Variants in UNC13C observed in about 807,000 individuals in gnomAD.
UNC13C encodes the protein protein unc-13 homolog C.
In UNC13C, 174 loss-of-function variants were observed where a neutral mutation model predicts 245.4. The observed-to-expected ratio is 0.71, with a 90% confidence interval of 0.63 to 0.80. The LOEUF is 0.80. UNC13C is among the 30% of genes least tolerant of loss of function. UNC13C has a pLI of 0.00. For missense variants in UNC13C, 2,829 were observed against 2,602.9 expected (o/e 1.09, Z -1.89); for synonymous variants, 992 against 895.1 (o/e 1.11, Z -1.93).
chr15:54,573,290 T>A (rs16974843), intron 30 of UNC13C, among the ~76,000 whole-genome samples: 1 of 152,112 alleles, frequency 6.6e-6, no homozygotes, highest in Non-Finnish European at 1.5e-5. Flanking sequence ...CATCTTTCTG[T>A]AGTAGTTAGA....
At chr15:54,359,844 T>C (rs920444233) in intron 17 of UNC13C, among the ~76,000 whole-genome samples, 2 of 151,894 alleles carry the variant, frequency 1.3e-5, no homozygotes, top group African/African-American at 2.4e-5. Context: ...TTTTATTTAT[T>C]TTTGTTCTGT....
intron 13 of UNC13C, among the ~76,000 whole-genome samples, chr15:54,309,584 A>G (rs2037814947): frequency 6.6e-6 from 1 of 151,792 alleles, no homozygotes. Flanking sequence ...TGCACAGACC[A>G]ATGTCATGCA....
At chr15:54,068,349 G>A (rs962367759) in intron 2 of UNC13C, among the ~76,000 whole-genome samples, 2 of 152,166 alleles carry the variant, frequency 1.3e-5, no homozygotes, top group African/African-American at 4.8e-5. Flanking sequence ...GCTGCAGCTA[G>A]AACTTCCTTC....
chr15:54,057,687 C>T (rs1346080655), intron 2 of UNC13C, among the ~76,000 whole-genome samples: 1 of 152,152 alleles, frequency 6.6e-6, no homozygotes, highest in East Asian at 1.9e-4. Context: ...CACACCTATT[C>T]CAAAATTGAC....
At chr15:53,842,536 C>T in the UNC13C span, among the ~76,000 whole-genome samples, 1,023 of 152,166 alleles carry the variant, frequency 6.7e-3, 6 homozygotes, top group Non-Finnish European at 9.6e-3. Context: ...TAATTCAAGC[C>T]GGGCCACTGA....
chr15:53,965,838 T>C, the UNC13C span, among the ~76,000 whole-genome samples: 1 of 152,256 alleles, frequency 6.6e-6, no homozygotes, highest in East Asian at 1.9e-4. Flanking sequence ...GTTCTTGTGA[T>C]AGTTTACTGA....
intron 21 of UNC13C, 70 bp downstream of exon 21, chr15:54,500,245 G>A: frequency 1.8e-6 from 2 of 1,091,514 alleles, no homozygotes; most frequent in Non-Finnish European, 2.7e-6. Flanking sequence ...TAACCTAATG[G>A]GAATTATTAG....
At chr15:53,872,905 T>C in the UNC13C span, among the ~76,000 whole-genome samples, 1 of 152,314 alleles carries the variant, frequency 6.6e-6, no homozygotes, top group East Asian at 1.9e-4. Flanking sequence ...AAACTGAACT[T>C]ATTGAAATGA....
At chr15:53,936,459 A>T in the UNC13C span, among the ~76,000 whole-genome samples, 1 of 152,102 alleles carries the variant, frequency 6.6e-6, no homozygotes, top group Admixed American at 6.5e-5. Context: ...CTGGCTCTGG[A>T]GAGTCTGGGT....
Position 54,189,822 on chromosome 15 carries a change from C to T in UNC13C, c.3072-45208C>T, listed in dbSNP as rs190238025. The stretch of plus-strand genomic sequence containing the variant: ...GCCACAAACAGCTGCTTGATTGCGG[C>T]GGCATCTTGATTCTTTGATGCCACT... On this transcript the variant is annotated intron_variant, in intron 4 of 32. Transcript: ENST00000260323. Among the ~76,000 whole-genome samples, 560 of 151,990 alleles carry T rather than the reference C, an allele frequency of 3.7e-3. 4 individuals carry two copies. Among genetic ancestry groups the T allele is most frequent in the African/African-American group, 0.013 (536 of 41,454 alleles).
At chr15:53,898,124 T>C in the UNC13C span, among the ~76,000 whole-genome samples, 1 of 152,164 alleles carries the variant, frequency 6.6e-6, no homozygotes, top group Admixed American at 6.5e-5. Context: ...TCTACATTAC[T>C]TCCTCCTGCT....
intron 9 of UNC13C, among the ~76,000 whole-genome samples, 173 bp from the exon 10 acceptor site, chr15:54,265,182 G>A (rs2036521982): frequency 6.6e-6 from 1 of 151,854 alleles, no homozygotes. Context: ...TTTTAATGTT[G>A]TATATTTATT....
intron 2 of UNC13C, among the ~76,000 whole-genome samples, chr15:54,101,827 G>A (rs918551437): frequency 5.9e-5 from 9 of 151,632 alleles, no homozygotes; most frequent in Admixed American, 2.6e-4. Context: ...CTCATGATCC[G>A]CTCGCCTTGG....
intron 2 of UNC13C, among the ~76,000 whole-genome samples, chr15:54,093,355 T>G (rs535535302): frequency 6.6e-6 from 1 of 152,340 alleles, no homozygotes; most frequent in African/African-American, 2.4e-5. Flanking sequence ...TTGACTTAAG[T>G]AGGTATGGCT....
At chr15:54,499,995 C>G (rs1894127363) in intron 20 of UNC13C, 84 bp from the exon 21 acceptor site, 2 of 1,004,086 alleles carry the variant, frequency 2.0e-6, no homozygotes, top group African/African-American at 1.7e-5. Flanking sequence ...CTAAATTACT[C>G]TCATATGCAA....
chr15:54,256,947 A>C, intron 8 of UNC13C, among the ~76,000 whole-genome samples: 1 of 152,286 alleles, frequency 6.6e-6, no homozygotes, highest in South Asian at 2.1e-4. Context: ...ACCACGTCTA[A>C]GTTTGGCGCT....
chr15:53,876,204 GC>G, the UNC13C span, among the ~76,000 whole-genome samples: 1 of 152,180 alleles, frequency 6.6e-6, no homozygotes, highest in South Asian at 2.1e-4. Context: ...AGATATTTTG[GC>G]AGAATGTGGC....
intron 4 of UNC13C, among the ~76,000 whole-genome samples, chr15:54,197,523 A>G (rs1030469000): frequency 1.3e-5 from 2 of 152,168 alleles, no homozygotes; most frequent in African/African-American, 2.4e-5. Context: ...GGTTTAATAT[A>G]CAAAACTCAA....
the UNC13C span, among the ~76,000 whole-genome samples, chr15:53,877,252 C>A: frequency 6.6e-6 from 1 of 152,178 alleles, no homozygotes; most frequent in African/African-American, 2.4e-5. Context: ...TCCACAGGGG[C>A]TTGCAGCAGA....
Sources: allele counts gnomAD v4.1 joint callset (sites outside exome capture counted in the v4.1 genomes callset), GRCh38; gene constraint gnomAD v4.1.1; transcripts MANE v1.5; gene names NCBI Gene and HGNC (gene_info 2026-07-23, HGNC 2026-07-21).